The following WDFY3 variants were observed in gnomAD, a reference collection of about 807,000 sequenced individuals.
The protein encoded by WDFY3 is WD repeat and FYVE domain-containing protein 3.
A neutral mutation model predicts 409.6 loss-of-function variants in WDFY3; 66 were observed. The observed-to-expected ratio is 0.16, with a 90% CI of 0.13 to 0.20. The LOEUF (loss-of-function observed/expected upper bound fraction) is 0.20, where lower values mean the gene tolerates loss of function less well. Among genes scored for constraint, WDFY3 ranks in the 10% least tolerant of loss-of-function variants. The probability of loss-of-function intolerance (pLI) is 1.00; values close to 1 mark genes in which losing one functional copy is unlikely to be tolerated. For missense variants in WDFY3, 3,031 were observed against 4,298.1 expected (o/e 0.71, Z 8.24); for synonymous variants, 1,521 against 1,537.1 (o/e 0.99, Z 0.25).
At chr4:84,903,668 AT>A (rs1373177663) in intron 2 of WDFY3, among the ~76,000 whole-genome samples, 3 of 152,146 alleles carry the variant, frequency 2.0e-5, no homozygotes, top group Non-Finnish European at 2.9e-5. Context: ...CTTCAAAAAT[AT>A]TTCAAACCAA....
intron 1 of WDFY3, among the ~76,000 whole-genome samples, chr4:84,957,313 A>G (rs2151172219): frequency 6.6e-6 from 1 of 152,190 alleles, no homozygotes; most frequent in Admixed American, 6.5e-5. Flanking sequence ...ACTTCTCACA[A>G]TGGACTATAA....
At chr4:84,941,311 T>C (rs1307827275) in intron 1 of WDFY3, among the ~76,000 whole-genome samples, 3 of 152,026 alleles carry the variant, frequency 2.0e-5, no homozygotes, top group East Asian at 1.9e-4. Flanking sequence ...CAAAAATCAA[T>C]TGTGTTTCTA....
rs1057322817 is a variant in WDFY3, at chr4:84,860,435, T to C, written c.157A>G (p.Met53Val). The change falls in exon 4 of 68, where the codon ATG becomes GTG. Residue 53 changes from methionine (M) to valine (V), a missense_variant. Coordinates refer to ENST00000295888, the MANE Select transcript of WDFY3 (RefSeq NM_014991.6). The stretch of plus-strand genomic sequence containing the variant: ...ACCCTGTTAAACACTGGCAGCATCA[T>C]ATACAGTTTCTCTTCTTGTTCCTTC... ...TQKEQEEKLYMMLPVFNRVFG... is the reference protein window; with the variant it reads ...TQKEQEEKLYVMLPVFNRVFG... 34 of 1,613,968 alleles carry C rather than the reference T, an allele frequency of 2.1e-5. No individual in the cohort carries two copies. The highest frequency in any genetic ancestry group is 2.8e-5 in the Non-Finnish European group (33 of 1,179,966).
chr4:84,700,430 C>T (rs1261592396), intron 56 of WDFY3, among the ~76,000 whole-genome samples: 1 of 152,160 alleles, frequency 6.6e-6, no homozygotes. Context: ...TCTTGAACAC[C>T]TGAGCTCAAG....
chr4:84,761,836 T>C (rs548262690), intron 32 of WDFY3, among the ~76,000 whole-genome samples: 1 of 152,198 alleles, frequency 6.6e-6, no homozygotes, highest in Non-Finnish European at 1.5e-5. Flanking sequence ...AGAAGGCATT[T>C]ATGCAGCCAA....
intron 36 of WDFY3, chr4:84,751,151 A>G: frequency 2.9e-6 from 1 of 347,884 alleles, no homozygotes; most frequent in South Asian, 2.8e-5. Context: ...GCTGCTTTCT[A>G]GCTACAACAT....
chr4:84,740,057 T>A lies in WDFY3; in HGVS notation c.6464+130A>T, dbSNP rs1347493331. The A allele has an allele frequency of 3.1e-6, 3 of 961,690 alleles. No individual in the cohort carries two copies. In the African/African-American group the frequency reaches 5.0e-5, roughly 16 times the overall value. The allele number at this position is 961,690 out of a possible 1,614,324, so 59.6% of individuals were successfully genotyped here. A position where few individuals can be genotyped will look rare whatever the true frequency, so the allele number is the denominator to read the frequency against. Reference sequence around the variant, plus strand: ...AAAAATTCAACACTTGCCCTTTACCTTTTTACATAAAGGTTTAAATAAAAC... The same window carrying A: ...AAAAATTCAACACTTGCCCTTTACCATTTTACATAAAGGTTTAAATAAAAC... On this transcript the variant is annotated intron_variant, in intron 39 of 67. Transcript: ENST00000295888.
At chr4:84,708,330 A>T (rs541522643) in intron 53 of WDFY3, among the ~76,000 whole-genome samples, 1 of 152,322 alleles carries the variant, frequency 6.6e-6, no homozygotes, top group South Asian at 2.1e-4. Flanking sequence ...ATGGATTCTG[A>T]CATCCACCAA....
intron 64 of WDFY3, among the ~76,000 whole-genome samples, chr4:84,680,996 T>C (rs948128586): frequency 3.9e-5 from 6 of 152,212 alleles, no homozygotes; most frequent in Admixed American, 2.0e-4. Flanking sequence ...TAGGGGGCTA[T>C]TGGACTAATG....
chr4:84,954,073 C>T (rs1218749900), intron 1 of WDFY3, among the ~76,000 whole-genome samples: 1 of 152,002 alleles, frequency 6.6e-6, no homozygotes, highest in Non-Finnish European at 1.5e-5. Flanking sequence ...GCATAGTACC[C>T]GTGATACCCA....
chr4:84,902,931 C>T (rs1766534619), intron 2 of WDFY3, among the ~76,000 whole-genome samples: 2 of 152,154 alleles, frequency 1.3e-5, no homozygotes, highest in South Asian at 4.1e-4. Context: ...TAGCTTCTAA[C>T]CAAGCACTTG....
intron 3 of WDFY3, among the ~76,000 whole-genome samples, chr4:84,862,424 A>C (rs1027100580): frequency 2.0e-5 from 3 of 152,246 alleles, no homozygotes; most frequent in African/African-American, 7.2e-5. Context: ...AAGATGTCCA[A>C]TGTATCTTAT....
intron 1 of WDFY3, among the ~76,000 whole-genome samples, chr4:84,961,505 G>A (rs745910359): frequency 2.6e-5 from 4 of 151,912 alleles, no homozygotes; most frequent in African/African-American, 9.7e-5. Context: ...ATTGCTAACA[G>A]CTAAGCATTA....
chr4:84,715,949 TA>T lies in WDFY3; in HGVS notation c.7876-567del, dbSNP rs567032529. Reference sequence around the variant, plus strand: ...TTATAATTTTATAATTATAATTTTATAAAATTATAGTAAGGATGTAATTTTT... The same window carrying T: ...TTATAATTTTATAATTATAATTTTATAAATTATAGTAAGGATGTAATTTTT... On this transcript the variant is annotated intron_variant, in intron 49 of 67. Coordinates refer to ENST00000295888, the MANE Select transcript of WDFY3 (RefSeq NM_014991.6). 8.6e-5 allele frequency among the ~76,000 whole-genome samples: 13 copies of T among 151,642 alleles called. No homozygotes were observed. The South Asian group carries it at 1.2e-3, about 15-fold the overall frequency.
At chr4:84,942,620 C>G (rs1187869853) in intron 1 of WDFY3, among the ~76,000 whole-genome samples, 1 of 152,136 alleles carries the variant, frequency 6.6e-6, no homozygotes, top group Non-Finnish European at 1.5e-5. Context: ...ACCATTTCAC[C>G]AGGAATGAAT....
intron 2 of WDFY3, among the ~76,000 whole-genome samples, chr4:84,907,162 C>A (rs1047892590): frequency 2.6e-5 from 4 of 151,954 alleles, no homozygotes; most frequent in African/African-American, 9.7e-5. Context: ...AAATTACTGT[C>A]CCATTCTGTG....
chr4:84,849,475 G>A (rs1157639023), intron 5 of WDFY3, among the ~76,000 whole-genome samples: 1 of 146,836 alleles, frequency 6.8e-6, no homozygotes, highest in African/African-American at 2.5e-5. Flanking sequence ...CTAAGTAAAT[G>A]ATTAAAATAA....
chr4:84,861,673 T>C (rs146998761), intron 3 of WDFY3, among the ~76,000 whole-genome samples: 14 of 152,304 alleles, frequency 9.2e-5, no homozygotes, highest in African/African-American at 2.9e-4. Context: ...TTCATGAAGC[T>C]TATTTCAGAT....
At chr4:84,805,788 C>A (rs943651777) in intron 15 of WDFY3, among the ~76,000 whole-genome samples, 7 of 152,108 alleles carry the variant, frequency 4.6e-5, no homozygotes, top group African/African-American at 1.7e-4. Flanking sequence ...TACTTGCCAC[C>A]TTTTGTTCCA....
Sources: gnomAD v4.1 joint callset for allele counts (sites outside exome capture counted in the v4.1 genomes callset) on GRCh38, gnomAD v4.1.1 for gene constraint, MANE v1.5 for transcripts, NCBI Gene and HGNC (gene_info 2026-07-23, HGNC 2026-07-21) for gene names.